The following ZNF141 variants were observed in gnomAD, a reference collection of about 807,000 sequenced individuals.
ZNF141 encodes the protein zinc finger protein 141.
Under a neutral mutation model 11.3 loss-of-function variants are expected in ZNF141, and 7 were observed. The observed-to-expected ratio is 0.62, with a 90% CI of 0.35 to 1.16. The LOEUF (loss-of-function observed/expected upper bound fraction) is 1.16, where lower values mean the gene tolerates loss of function less well. ZNF141 is among the 50% of genes most tolerant of loss of function. ZNF141 has a pLI of 0.02. For missense variants in ZNF141, 535 were observed against 554.0 expected, an observed-to-expected ratio of 0.97 and a Z score of 0.34; for synonymous variants, 183 against 190.7, an observed-to-expected ratio of 0.96 and a Z score of 0.33.
rs868987861 is a variant in ZNF141, at chr4:378,357, C to T, written c.*4495C>T. On this transcript the variant is annotated 3_prime_UTR_variant, in exon 4 of 4. Transcript: ENST00000240499. ...AATCTCAGCTCACTGCAACCTCCGC[C>T]TCCCAGGTTCAAGTGATTCTCCTGC... Among the ~76,000 whole-genome samples, 1 of 152,100 alleles carries T rather than the reference C, an allele frequency of 6.6e-6. No homozygotes were observed. The highest frequency in any genetic ancestry group is 2.4e-5 in the African/African-American group (1 of 41,428).
Position 377,114 on chromosome 4 carries a change from C to T in ZNF141, c.*3252C>T, listed in dbSNP as rs1432583852. Among the ~76,000 whole-genome samples, 2 of 151,960 alleles carry T rather than the reference C, an allele frequency of 1.3e-5. No homozygotes were observed. The highest frequency in any genetic ancestry group is 3.9e-4 in the East Asian group (2 of 5,192). The stretch of plus-strand genomic sequence containing the variant: ...ATTTTGTTGTTTTAATTTAAGAACC[C>T]TATATAAGCTGTTTTCTTTAGTTAT... On this transcript the variant is annotated 3_prime_UTR_variant, in exon 4 of 4. Coordinates refer to ENST00000240499, the MANE Select transcript of ZNF141 (RefSeq NM_003441.4).
chr4:345,950 A>G (rs1370857568), intron 3 of ZNF141, among the ~76,000 whole-genome samples: 5 of 152,124 alleles, frequency 3.3e-5, no homozygotes, highest in African/African-American at 9.7e-5. Context: ...TAAGCTCTCA[A>G]TTGTTCTCTT....
intron 3 of ZNF141, among the ~76,000 whole-genome samples, chr4:364,849 C>T (rs1200999255): frequency 1.3e-5 from 2 of 150,176 alleles, no homozygotes; most frequent in African/African-American, 5.0e-5. Flanking sequence ...CTGGGAGAAC[C>T]ACGATTCTCT....
intron 1 of ZNF141, among the ~76,000 whole-genome samples, chr4:340,222 A>G (rs1167223456): frequency 6.6e-6 from 1 of 152,274 alleles, no homozygotes; most frequent in Non-Finnish European, 1.5e-5. Context: ...TTAGAGAAGA[A>G]CCTTCTTTCT....
chr4:358,200 TTTTA>T, intron 3 of ZNF141: 1 of 409,480 alleles, frequency 2.4e-6, no homozygotes, highest in Admixed American at 3.1e-5. Context: ...TTTTTTTTTT[TTTTA>T]AAGATGGAGT....
chr4:339,507 G>C (rs1720951314), intron 1 of ZNF141, among the ~76,000 whole-genome samples: 1 of 152,160 alleles, frequency 6.6e-6, no homozygotes, highest in African/African-American at 2.4e-5. Context: ...TTCAACGTTA[G>C]TGAGTTCAAG....
intron 3 of ZNF141, among the ~76,000 whole-genome samples, chr4:352,373 G>A (rs373416126): frequency 6.6e-6 from 1 of 151,654 alleles, no homozygotes; most frequent in South Asian, 2.1e-4. Context: ...GTGACAGAGC[G>A]AGACTCCGTC....
intron 1 of ZNF141, among the ~76,000 whole-genome samples, chr4:341,247 G>T (rs1355462916): frequency 6.6e-6 from 1 of 151,968 alleles, no homozygotes; most frequent in Non-Finnish European, 1.5e-5. Flanking sequence ...TTTTGTAGTA[G>T]AGATGGGGTT....
intron 1 of ZNF141, among the ~76,000 whole-genome samples, chr4:341,710 A>G (rs1227695465): frequency 6.6e-6 from 1 of 152,176 alleles, no homozygotes; most frequent in Non-Finnish European, 1.5e-5. Flanking sequence ...ATCCTTGTCC[A>G]GGTCTGAGCC....
At chr4:344,575 C>T (rs113399189) in intron 3 of ZNF141, 145 bp downstream of exon 3, 5,586 of 553,230 alleles carry the variant, frequency 0.01, 258 homozygotes, top group African/African-American at 0.096. Flanking sequence ...GCAGGCGGAT[C>T]ACGAGGTCAA....
intron 3 of ZNF141, among the ~76,000 whole-genome samples, chr4:371,384 A>G (rs1712053453): frequency 6.6e-6 from 1 of 151,338 alleles, no homozygotes; most frequent in South Asian, 2.1e-4. Context: ...GGCATGGGCC[A>G]CCATGCCCAG....
intron 3 of ZNF141, among the ~76,000 whole-genome samples, chr4:361,293 A>C (rs1158993900): frequency 6.8e-6 from 1 of 146,510 alleles, no homozygotes; most frequent in Non-Finnish European, 1.5e-5. Context: ...TTATATTTGT[A>C]TCACTATAAT....
In ZNF141 at chr4:369,764, A is replaced by ATATAT; in HGVS notation, c.227-2899_227-2898insATATT. Among the ~76,000 whole-genome samples the ATATAT allele has an allele frequency of 2.3e-4, 11 of 48,726 alleles. 1 individual carries two copies. In the East Asian group the frequency reaches 2.3e-3, roughly 10 times the overall value. 32.0% of individuals were successfully genotyped at this position (48,726 alleles called of 152,430 possible). A position where few individuals can be genotyped will look rare whatever the true frequency, so the allele number is the denominator to read the frequency against. ...TATATATATATATATATATATATAT[A>ATATAT]TTTTTTTTTTTTTTTTTTTTGAGAG... On this transcript the variant is annotated intron_variant, in intron 3 of 3. Coordinates refer to ENST00000240499, the MANE Select transcript of ZNF141 (RefSeq NM_003441.4).
rs1306946888 is a variant in ZNF141, at chr4:344,137, G to A, written c.131-198G>A. 2.6e-5 allele frequency among the ~76,000 whole-genome samples: 4 copies of A among 151,888 alleles called. No individual in the cohort carries two copies. Among genetic ancestry groups the A allele is most frequent in the East Asian group, 1.9e-4 (1 of 5,186 alleles). ...AATTTGCACCACTTATTTTTTATTCGGTAGTACTTGGTAGTGGAACTTAGA... is the reference window on the plus strand; with the variant it reads ...AATTTGCACCACTTATTTTTTATTCAGTAGTACTTGGTAGTGGAACTTAGA... On this transcript the variant is annotated intron_variant, in intron 2 of 3. Coordinates refer to ENST00000240499, the MANE Select transcript of ZNF141 (RefSeq NM_003441.4).
chr4:342,445 T>C (rs1721093392), intron 1 of ZNF141, among the ~76,000 whole-genome samples: 1 of 152,250 alleles, frequency 6.6e-6, no homozygotes, highest in African/African-American at 2.4e-5. Flanking sequence ...CTCTGTGTGC[T>C]GTGTCTGCTT....
intron 3 of ZNF141, among the ~76,000 whole-genome samples, chr4:369,756 A>ATTTTT (rs1560196775): frequency 5.7e-5 from 2 of 35,344 alleles, no homozygotes; most frequent in Admixed American, 3.3e-4. Flanking sequence ...ATATATATAT[A>ATTTTT]TATATATATT....
intron 3 of ZNF141, among the ~76,000 whole-genome samples, chr4:363,876 G>C (rs797031200): frequency 6.6e-6 from 1 of 152,116 alleles, no homozygotes; most frequent in Non-Finnish European, 1.5e-5. Flanking sequence ...TCAATACCTA[G>C]TTTATTGAGA....
Position 383,112 on chromosome 4 carries a change from GACA to G in ZNF141, c.*9255_*9257del, listed in dbSNP as rs1553855898. The G allele has an allele frequency of 7.1e-6, 5 of 699,350 alleles. No individual in the cohort carries two copies. The highest frequency in any genetic ancestry group is 5.4e-5 in the East Asian group (2 of 37,202). The allele number at this position is 699,350 out of a possible 1,614,324, so 43.3% of individuals were successfully genotyped here. On this transcript the variant is annotated 3_prime_UTR_variant, in exon 4 of 4. Transcript: ENST00000240499. Reference sequence around the variant, plus strand: ...TTTTTCAGAATTCTTCCATCTCTATGACAACAAGCCCATTTTAGCTTTCTGGAG... The same window carrying G: ...TTTTTCAGAATTCTTCCATCTCTATGACAAGCCCATTTTAGCTTTCTGGAG...
intron 3 of ZNF141, among the ~76,000 whole-genome samples, chr4:359,532 T>C (rs782093898): frequency 6.6e-6 from 1 of 152,160 alleles, no homozygotes; most frequent in Admixed American, 6.5e-5. Flanking sequence ...AGGTTTGTTC[T>C]GGGTTCATGA....
Sources: allele counts gnomAD v4.1 joint callset (sites outside exome capture counted in the v4.1 genomes callset), GRCh38; gene constraint gnomAD v4.1.1; transcripts MANE v1.5; gene names NCBI Gene and HGNC (gene_info 2026-07-23, HGNC 2026-07-21).